PASD1: variants seen among roughly 807,000 people sequenced by gnomAD.
PASD1 encodes circadian clock protein PASD1.
A neutral mutation model predicts 58.8 loss-of-function variants in PASD1; 13 were observed. The ratio of observed to expected loss-of-function variants is 0.22; its 90% CI spans 0.14 to 0.35. The LOEUF (loss-of-function observed/expected upper bound fraction) is 0.35. Among genes scored for constraint, PASD1 ranks in the 10% least tolerant of loss-of-function variants. PASD1 has a pLI of 1.00. For missense variants in PASD1, 734 were observed against 568.3 expected, an observed-to-expected ratio of 1.29 and a Z score of -2.96; for synonymous variants, 236 against 216.7, an observed-to-expected ratio of 1.09 and a Z score of -0.78.
At chrX:151,658,387 TTAAGCTCACTGCATTTA>T (rs1400641765) in intron 9 of PASD1, among the ~76,000 whole-genome samples, 1 of 112,667 alleles carries the variant, frequency 8.9e-6, no homozygotes, top group African/African-American at 3.2e-5. Context: ...TTAAGTTAAT[TTAAGCTCACTGCATTTA>T]TATTGATAAG....
At chrX:151,621,160 A>C (rs764154479) in intron 5 of PASD1, 131 bp downstream of exon 5, 1 of 419,074 alleles carries the variant, frequency 2.4e-6, no homozygotes, top group South Asian at 5.0e-5. Context: ...ACTTTTATAT[A>C]ATATTACAAA....
Position 151,622,934 on chromosome X carries a change from T to A in PASD1, c.419-3T>A. 8.3e-7 allele frequency: 1 copy of A among 1,206,358 alleles called. No homozygotes were observed. The highest frequency in any genetic ancestry group is 1.1e-6 in the Non-Finnish European group (1 of 892,471). Reference sequence around the variant, plus strand: ...TTTTCACATGTGTGTCTATCTTCCTTAGAGTTTCCTGTGGTCTTTAGTGGC... The same window carrying A: ...TTTTCACATGTGTGTCTATCTTCCTAAGAGTTTCCTGTGGTCTTTAGTGGC... On this transcript the variant is annotated splice_region_variant and splice_polypyrimidine_tract_variant and intron_variant, in intron 6 of 15. Coordinates refer to ENST00000370357, the MANE Select transcript of PASD1 (RefSeq NM_173493.3).
rs1333524260 is a variant in PASD1 at position 151,625,676 on chromosome X, G to T, written c.629+146G>T. The T allele has an allele frequency of 6.2e-6, 3 of 484,463 alleles. No individual in the cohort carries two copies. The African/African-American group carries it at 7.3e-5, about 12-fold the overall frequency. The allele number at this position is 484,463 out of a possible 1,213,427, so 39.9% of individuals were successfully genotyped here. Reference sequence around the variant, plus strand: ...AGAAACAAACGGGCCAGGGATGGTGGCTCATGCCTGTAGTCCCAGAACTTT... The same window carrying T: ...AGAAACAAACGGGCCAGGGATGGTGTCTCATGCCTGTAGTCCCAGAACTTT... On this transcript the variant is annotated intron_variant, in intron 8 of 15. Coordinates refer to ENST00000370357, the MANE Select transcript of PASD1 (RefSeq NM_173493.3).
intron 1 of PASD1, among the ~76,000 whole-genome samples, chrX:151,580,429 A>T (rs1304693085): frequency 9.0e-6 from 1 of 111,207 alleles, no homozygotes; most frequent in Non-Finnish European, 1.9e-5. Flanking sequence ...GGTAAAGAGA[A>T]CCAGGATATT....
chrX:151,647,556 A>T (rs1424280714), intron 8 of PASD1, among the ~76,000 whole-genome samples: 1 of 109,561 alleles, frequency 9.1e-6, no homozygotes. Flanking sequence ...TACTTTTTAT[A>T]TATTTTAAAC....
intron 1 of PASD1, among the ~76,000 whole-genome samples, chrX:151,588,732 G>A (rs2124238608): frequency 8.9e-6 from 1 of 112,256 alleles, no homozygotes; most frequent in East Asian, 2.8e-4. Context: ...ATGTGGAAGA[G>A]TGAGGATATG....
intron 9 of PASD1, among the ~76,000 whole-genome samples, chrX:151,655,915 A>G (rs2014234443): frequency 8.9e-6 from 1 of 112,114 alleles, no homozygotes; most frequent in Admixed American, 9.4e-5. Context: ...TGTTTTAGAC[A>G]TGAAGTCCTT....
chrX:151,663,940 C>G (rs763212850), intron 10 of PASD1, among the ~76,000 whole-genome samples, 179 bp from the exon 11 acceptor site: 5 of 112,129 alleles, frequency 4.5e-5, no homozygotes, highest in East Asian at 2.8e-4. Context: ...TTCAAACACT[C>G]TCTCCCTTTT....
intron 3 of PASD1, 33 bp downstream of exon 3, chrX:151,604,767 A>G (rs757141144): frequency 1.5e-5 from 16 of 1,033,870 alleles, no homozygotes; most frequent in Non-Finnish European, 2.0e-5. Flanking sequence ...ATTACTTCAT[A>G]TGTTGAATAC....
intron 1 of PASD1, among the ~76,000 whole-genome samples, chrX:151,600,285 G>T (rs1350213362): frequency 1.9e-5 from 2 of 107,922 alleles, no homozygotes; most frequent in African/African-American, 6.8e-5. Context: ...GGGAGAGGGA[G>T]ACCGTGCAAA....
At chrX:151,659,908 T>G (rs2014289729) in intron 10 of PASD1, 72 bp downstream of exon 10, 1 of 1,028,027 alleles carries the variant, frequency 9.7e-7, no homozygotes, top group Non-Finnish European at 1.3e-6. Flanking sequence ...GTTACAGTTT[T>G]TCAAATGAAT....
intron 8 of PASD1, among the ~76,000 whole-genome samples, chrX:151,645,205 A>G (rs1315937861): frequency 1.8e-5 from 2 of 111,621 alleles, no homozygotes; most frequent in Admixed American, 1.9e-4. Context: ...AAGAAGGGAA[A>G]TCTGGTTTTC....
intron 3 of PASD1, among the ~76,000 whole-genome samples, chrX:151,610,209 C>T (rs1233670809): frequency 9.0e-6 from 1 of 111,466 alleles, no homozygotes; most frequent in Non-Finnish European, 1.9e-5. Context: ...ATTCTCTTCT[C>T]CATGAAATGA....
chrX:151,574,043 T>A (rs939589099), intron 1 of PASD1, among the ~76,000 whole-genome samples: 1 of 112,557 alleles, frequency 8.9e-6, no homozygotes, highest in Non-Finnish European at 1.9e-5. Context: ...CAAACCTGTC[T>A]AACTAAGTGG....
At chrX:151,654,798 A>G in intron 9 of PASD1, among the ~76,000 whole-genome samples, 1 of 110,846 alleles carries the variant, frequency 9.0e-6, no homozygotes. Flanking sequence ...AAGAGATAAG[A>G]TATAGAGATG....
intron 8 of PASD1, among the ~76,000 whole-genome samples, chrX:151,632,948 G>T (rs962297459): frequency 3.8e-4 from 42 of 110,905 alleles, no homozygotes; most frequent in African/African-American, 1.3e-3. Flanking sequence ...GGATTAGAAA[G>T]TCCTTCCAAA....
At chrX:151,667,718 C>G (rs1015108609) in intron 11 of PASD1, among the ~76,000 whole-genome samples, 3 of 111,530 alleles carry the variant, frequency 2.7e-5, no homozygotes, top group Non-Finnish European at 3.8e-5. Context: ...TCTGAGGGCT[C>G]TGTTCTGTTC....
intron 1 of PASD1, chrX:151,578,183 T>C (rs2013038500): frequency 8.9e-6 from 1 of 112,336 alleles, no homozygotes; most frequent in Admixed American, 9.4e-5. Flanking sequence ...TGAGATGTCT[T>C]GTGTCAAGAA....
At chrX:151,641,769 A>G (rs1407283654) in intron 8 of PASD1, among the ~76,000 whole-genome samples, 3 of 109,731 alleles carry the variant, frequency 2.7e-5, no homozygotes, top group Non-Finnish European at 3.8e-5. Flanking sequence ...CTTTCTGCCT[A>G]TCTCTCAATC....
Sources: allele counts gnomAD v4.1 joint callset (sites outside exome capture counted in the v4.1 genomes callset), GRCh38; gene constraint gnomAD v4.1.1; transcripts MANE v1.5; gene names NCBI Gene and HGNC (gene_info 2026-07-23, HGNC 2026-07-21).